Variants in MAP4K4 observed in about 807,000 individuals in gnomAD.
MAP4K4 encodes HPK/GCK-like kinase HGK.
Under a neutral mutation model 189.6 loss-of-function variants are expected in MAP4K4, and 38 were observed. The ratio of observed to expected loss-of-function variants is 0.20; its 90% CI spans 0.15 to 0.26. The LOEUF (loss-of-function observed/expected upper bound fraction) is 0.26. Ranked by LOEUF, MAP4K4 falls within the 10% of genes least tolerant of loss-of-function variation. The probability of loss-of-function intolerance (pLI) is 1.00; values close to 1 mark genes in which losing one functional copy is unlikely to be tolerated. For missense variants in MAP4K4, 1,054 were observed against 1,726.9 expected (o/e 0.61, Z 6.91); for synonymous variants, 610 against 624.3 (o/e 0.98, Z 0.34).
intron 24 of MAP4K4, among the ~76,000 whole-genome samples, chr2:101,872,896 A>G (rs1458784389): frequency 2.0e-5 from 3 of 152,208 alleles, no homozygotes; most frequent in Non-Finnish European, 4.4e-5. Flanking sequence ...ATTTCGCTCT[A>G]ATGTGCAGTA....
rs576660335 is a variant in MAP4K4, at chr2:101,795,237, C to G, written c.180+4461C>G. Among the ~76,000 whole-genome samples, 3 of 152,288 alleles carry G rather than the reference C, an allele frequency of 2.0e-5. No individual in the cohort carries two copies. In the East Asian group the frequency reaches 5.8e-4, roughly 29 times the overall value. On this transcript the variant is annotated intron_variant, in intron 3 of 32. Transcript: ENST00000324219. The stretch of plus-strand genomic sequence containing the variant: ...TTTGGCACTGTGTGAATATTCTGTT[C>G]ATGAGCAACCTTTCAACTAATGGCT...
chr2:101,762,715 G>C (rs1293420674), intron 2 of MAP4K4, among the ~76,000 whole-genome samples: 1 of 152,152 alleles, frequency 6.6e-6, no homozygotes, highest in Non-Finnish European at 1.5e-5. Context: ...GTTGCACAAA[G>C]CTGTACTGTT....
chr2:101,840,378 A>AC (rs1278162633), intron 10 of MAP4K4, among the ~76,000 whole-genome samples: 1 of 151,496 alleles, frequency 6.6e-6, no homozygotes, highest in African/African-American at 2.4e-5. Flanking sequence ...CTGCCCAAGA[A>AC]CCCCCGCTCA....
At chr2:101,726,677 G>A (rs1179816510) in intron 2 of MAP4K4, among the ~76,000 whole-genome samples, 1 of 152,156 alleles carries the variant, frequency 6.6e-6, no homozygotes, top group Admixed American at 6.5e-5. Flanking sequence ...GAGCCTTAAT[G>A]GACAGGAGTA....
chr2:101,830,671 A>G (rs1264227731), intron 6 of MAP4K4, among the ~76,000 whole-genome samples: 1 of 152,214 alleles, frequency 6.6e-6, no homozygotes, highest in Non-Finnish European at 1.5e-5. Flanking sequence ...CATAGGAAGC[A>G]CTTGAGCAGT....
chr2:101,730,083 T>C (rs2057725220), intron 2 of MAP4K4, among the ~76,000 whole-genome samples: 1 of 152,216 alleles, frequency 6.6e-6, no homozygotes, highest in Admixed American at 6.5e-5. Context: ...GATGCGTCAG[T>C]GGACCTAGGA....
chr2:101,867,761 A>G, intron 20 of MAP4K4: 1 of 465,540 alleles, frequency 2.1e-6, no homozygotes, highest in Non-Finnish European at 3.8e-6. Context: ...ACCTTCTTAA[A>G]CTCACTGGTT....
At chr2:101,825,812 C>T (rs1483989083) in intron 5 of MAP4K4, among the ~76,000 whole-genome samples, 1 of 152,144 alleles carries the variant, frequency 6.6e-6, no homozygotes, top group Non-Finnish European at 1.5e-5. Context: ...GTGCTGAATG[C>T]TGGTTTTCAA....
At chr2:101,710,657 C>T (rs1423004236) in intron 2 of MAP4K4, among the ~76,000 whole-genome samples, 2 of 152,132 alleles carry the variant, frequency 1.3e-5, no homozygotes, top group African/African-American at 4.8e-5. Context: ...TGGGGAATAG[C>T]AGGGGCCTAT....
At chr2:101,743,544 A>G (rs1038524239) in intron 2 of MAP4K4, among the ~76,000 whole-genome samples, 2 of 152,154 alleles carry the variant, frequency 1.3e-5, no homozygotes, top group Non-Finnish European at 2.9e-5. Context: ...TTTCACTGAC[A>G]GGATGCTGTT....
intron 3 of MAP4K4, among the ~76,000 whole-genome samples, chr2:101,802,828 C>G (rs2094497359): frequency 6.6e-6 from 1 of 152,094 alleles, no homozygotes; most frequent in Admixed American, 6.5e-5. Flanking sequence ...TCTTGTCACC[C>G]AGGCTGGCGT....
At position 101,765,485 on chromosome 2, in the gene MAP4K4, CA is replaced by C. The variant is rs573686684; in HGVS notation, c.124-25234del. On this transcript the variant is annotated intron_variant, in intron 2 of 32. Coordinates refer to ENST00000324219, the Ensembl canonical transcript of MAP4K4. ...GCTGGGAGGTGCGCGCCACCATGTG[CA>C]GCTAATTTTTGTATTTTTTGTAGAG... Among the ~76,000 whole-genome samples, 61 of 152,168 alleles carry C rather than the reference CA, an allele frequency of 4.0e-4. No individual in the cohort carries two copies. The South Asian group carries it at 0.011, about 26-fold the overall frequency.
intron 24 of MAP4K4, among the ~76,000 whole-genome samples, chr2:101,872,394 T>A (rs2098065843): frequency 6.6e-6 from 1 of 152,170 alleles, no homozygotes; most frequent in African/African-American, 2.4e-5. Flanking sequence ...TTTGAAGGCT[T>A]GGTTGTGGTG....
chr2:101,830,218 T>C (rs1247826781), intron 6 of MAP4K4, among the ~76,000 whole-genome samples: 1 of 152,200 alleles, frequency 6.6e-6, no homozygotes, highest in Admixed American at 6.5e-5. Flanking sequence ...CTTCTGTTAC[T>C]GTCTCCTTTG....
intron 2 of MAP4K4, among the ~76,000 whole-genome samples, chr2:101,704,563 ATATATTTTTTT>A (rs2041064091): frequency 6.4e-5 from 3 of 47,214 alleles, no homozygotes; most frequent in African/African-American, 1.6e-4. Context: ...ATATATATAT[ATATATTTTTTT>A]TTTTTTTTTT....
chr2:101,845,850 T>C (rs1248235466), intron 12 of MAP4K4, among the ~76,000 whole-genome samples: 1 of 152,054 alleles, frequency 6.6e-6, no homozygotes, highest in Non-Finnish European at 1.5e-5. Flanking sequence ...TTACCTTTTT[T>C]CCCCCAGAAA....
At chr2:101,743,623 C>T (rs1045967209) in intron 2 of MAP4K4, among the ~76,000 whole-genome samples, 3 of 152,126 alleles carry the variant, frequency 2.0e-5, no homozygotes, top group African/African-American at 7.2e-5. Context: ...GAAAATACCT[C>T]TACATTTTAA....
At chr2:101,776,362 G>C (rs1284205938) in intron 2 of MAP4K4, among the ~76,000 whole-genome samples, 1 of 152,110 alleles carries the variant, frequency 6.6e-6, no homozygotes, top group Non-Finnish European at 1.5e-5. Context: ...CATTCTGAGC[G>C]ATAAGGCCTG....
chr2:101,797,439 C>T, intron 3 of MAP4K4: 1 of 1,260,800 alleles, frequency 7.9e-7, no homozygotes, highest in South Asian at 1.3e-5. Context: ...TGCACCGCCC[C>T]CTCCCTCCTT....
Sources: gnomAD v4.1 joint callset for allele counts (sites outside exome capture counted in the v4.1 genomes callset) on GRCh38, gnomAD v4.1.1 for gene constraint, MANE v1.5 for transcripts, NCBI Gene and HGNC (gene_info 2026-07-23, HGNC 2026-07-21) for gene names.